The following ANKRD6 variants were observed in gnomAD, a reference collection of about 807,000 sequenced individuals.
ANKRD6 encodes the protein ankyrin repeat domain-containing protein 6.
A neutral mutation model predicts 82.3 loss-of-function variants in ANKRD6; 56 were observed. The ratio of observed to expected loss-of-function variants is 0.68; its 90% CI spans 0.55 to 0.85. The LOEUF (loss-of-function observed/expected upper bound fraction) is 0.85, where lower values mean the gene tolerates loss of function less well. Ranked by LOEUF, ANKRD6 falls within the 40% of genes least tolerant of loss-of-function variation. The pLI, the probability that ANKRD6 is intolerant of heterozygous loss-of-function variation, is 0.00. For synonymous variants in ANKRD6, 347 were observed against 352.1 expected (o/e 0.99, Z 0.16); for missense variants, 852 against 907.6 (o/e 0.94, Z 0.79).
At chr6:89,466,215 G>A (rs1405105579) in intron 1 of ANKRD6, among the ~76,000 whole-genome samples, 3 of 152,152 alleles carry the variant, frequency 2.0e-5, no homozygotes, top group Non-Finnish European at 4.4e-5. Context: ...ATATAGTTAT[G>A]TATTTATTAA....
intron 13 of ANKRD6, among the ~76,000 whole-genome samples, chr6:89,625,709 G>A (rs1457982794): frequency 2.0e-5 from 3 of 150,496 alleles, no homozygotes; most frequent in South Asian, 4.3e-4. Context: ...AGATTTTCTC[G>A]GTTTTCGTAA....
chr6:89,564,815 G>C (rs528529072), intron 1 of ANKRD6, among the ~76,000 whole-genome samples: 34 of 152,186 alleles, frequency 2.2e-4, no homozygotes, highest in Non-Finnish European at 4.9e-4. Context: ...AGAATGGAAG[G>C]GGGCCGTTGG....
intron 1 of ANKRD6, among the ~76,000 whole-genome samples, chr6:89,474,309 T>G (rs2127794073): frequency 6.6e-6 from 1 of 152,312 alleles, no homozygotes; most frequent in South Asian, 2.1e-4. Flanking sequence ...TTATCTTTTT[T>G]CCCACATCTC....
At chr6:89,562,741 A>C (rs888419855) in intron 1 of ANKRD6, 1 of 152,220 alleles carries the variant, frequency 6.6e-6, no homozygotes, top group African/African-American at 2.4e-5. Context: ...TCAGCAGAGG[A>C]GGCTAACGGG....
chr6:89,532,685 A>G (rs1783317453), intron 1 of ANKRD6, among the ~76,000 whole-genome samples: 1 of 152,088 alleles, frequency 6.6e-6, no homozygotes. Flanking sequence ...GAAAGCTTAC[A>G]AGATAGTAAA....
At chr6:89,540,521 T>C (rs867936130) in intron 1 of ANKRD6, among the ~76,000 whole-genome samples, 1 of 152,344 alleles carries the variant, frequency 6.6e-6, no homozygotes, top group South Asian at 2.1e-4. Context: ...ATATTCTTGT[T>C]ATTAATCCCT....
intron 2 of ANKRD6, among the ~76,000 whole-genome samples, chr6:89,595,455 C>G (rs1445827614): frequency 1.2e-4 from 19 of 152,068 alleles, no homozygotes; most frequent in Admixed American, 1.2e-3. Flanking sequence ...AGAACCTTTC[C>G]TAATCAGTTC....
chr6:89,603,764 T>C (rs566197162), intron 4 of ANKRD6, among the ~76,000 whole-genome samples: 2 of 152,276 alleles, frequency 1.3e-5, no homozygotes, highest in South Asian at 2.1e-4. Flanking sequence ...GGTGGGAGGA[T>C]TGCTCGAGGC....
At chr6:89,476,136 C>T (rs1776001293) in intron 1 of ANKRD6, among the ~76,000 whole-genome samples, 1 of 151,794 alleles carries the variant, frequency 6.6e-6, no homozygotes, top group Non-Finnish European at 1.5e-5. Context: ...ATATATTTTA[C>T]CAGTTATAAT....
chr6:89,610,347 AGTATGCGGCCTTCT>A (rs1206298789), intron 5 of ANKRD6, among the ~76,000 whole-genome samples: 1 of 152,164 alleles, frequency 6.6e-6, no homozygotes, highest in African/African-American at 2.4e-5. Context: ...GGAATCATAC[AGTATGCGGCCTTCT>A]GTGTGTGGCT....
intron 1 of ANKRD6, among the ~76,000 whole-genome samples, chr6:89,462,231 C>CAAAATAATAAAAATA (rs1554214168): frequency 7.2e-5 from 4 of 55,916 alleles, no homozygotes; most frequent in East Asian, 4.4e-4. Context: ...GACTCCATCT[C>CAAAATAATAAAAATA]AAAATAATAA....
At chr6:89,586,688 G>GA (rs1793755875) in intron 2 of ANKRD6, among the ~76,000 whole-genome samples, 1 of 151,568 alleles carries the variant, frequency 6.6e-6, no homozygotes, top group Admixed American at 6.6e-5. Context: ...CTGTCTTGGG[G>GA]GAGAAAAAAA....
rs542517669 is a variant in ANKRD6, at chr6:89,602,741, G to A, written c.220-288G>A. 570 of 400,344 alleles carry A rather than the reference G, an allele frequency of 1.4e-3. 2 individuals are homozygous for A. Among genetic ancestry groups the A allele is most frequent in the African/African-American group, 0.011 (541 of 50,244 alleles). 24.8% of individuals were successfully genotyped at this position (400,344 alleles called of 1,614,324 possible). ...TAGTCATAGCCCCTGGATGGCAGGA[G>A]AGAGCCTGACCCTCATTTTGAGGTT... is the stretch of plus-strand genomic sequence containing the variant. On this transcript the variant is annotated intron_variant, in intron 3 of 15. Transcript: ENST00000339746.
In ANKRD6 at chr6:89,630,971, C is replaced by T; in HGVS notation, c.2151C>T (p.Ala717=). 1.3e-6 allele frequency: 2 copies of T among 1,578,602 alleles called. No individual in the cohort carries two copies. The highest frequency in any genetic ancestry group is 1.7e-6 in the Non-Finnish European group (2 of 1,163,228). Residue 717 remains alanine, a synonymous_variant, in exon 16 of 16, where the codon GCC becomes GCT. Coordinates refer to ENST00000339746, the MANE Select transcript of ANKRD6 (RefSeq NM_001242809.2). Reference sequence around the variant, plus strand: ...TTAAAAGTTTAGAAGAGGAACTTGCCAAACTAAGGACTAGGGTGCAGAAGG... The same window carrying T: ...TTAAAAGTTTAGAAGAGGAACTTGCTAAACTAAGGACTAGGGTGCAGAAGG... ...EHIKSLEEEL[A]KLRTRVQKEN is the part of the protein sequence containing the mutation.
At chr6:89,616,751 G>T in intron 8 of ANKRD6, 94 bp downstream of exon 8, 2 of 1,249,738 alleles carry the variant, frequency 1.6e-6, no homozygotes, top group Non-Finnish European at 2.3e-6. Context: ...CAGGCCCAGC[G>T]CACTCTGGAA....
Position 89,433,799 on chromosome 6 carries a change from C to T in ANKRD6, c.-144+424C>T, listed in dbSNP as rs1189300723. ...CGGCCGCCTCCGAATGACCCCGTCC[C>T]TCCCCGCCCTGGACGACAGCACTAG... is the stretch of plus-strand genomic sequence containing the variant. On this transcript the variant is annotated intron_variant, in intron 1 of 15. Coordinates refer to ENST00000339746, the MANE Select transcript of ANKRD6 (RefSeq NM_001242809.2). The surrounding 1 kb of genome is among the most constrained non-coding windows in gnomAD (Gnocchi z 4.3). 6.6e-6 allele frequency among the ~76,000 whole-genome samples: 1 copy of T among 152,252 alleles called. No homozygotes were observed. The highest frequency in any genetic ancestry group is 1.5e-5 in the Non-Finnish European group (1 of 68,032).
intron 9 of ANKRD6, 69 bp from the exon 10 acceptor site, chr6:89,621,853 C>T (rs1306727116): frequency 1.4e-6 from 2 of 1,480,616 alleles, no homozygotes; most frequent in Admixed American, 3.6e-5. Flanking sequence ...GCCCCAGGTC[C>T]AAGGAGAATT....
intron 1 of ANKRD6, among the ~76,000 whole-genome samples, chr6:89,469,332 T>A (rs150647240): frequency 1.3e-5 from 2 of 152,136 alleles, no homozygotes; most frequent in Non-Finnish European, 2.9e-5. Context: ...AGCTTTTTCA[T>A]TGGGCTTTTC....
intron 1 of ANKRD6, among the ~76,000 whole-genome samples, chr6:89,473,670 G>A (rs10485242): frequency 0.15 from 22,986 of 152,116 alleles, 2,038 homozygotes; most frequent in South Asian, 0.33. Flanking sequence ...AATGGTGAGA[G>A]TTTAGGCTTA....
Sources: gnomAD v4.1 joint callset for allele counts (sites outside exome capture counted in the v4.1 genomes callset) on GRCh38, gnomAD v4.1.1 for gene constraint, Gnocchi (gnomAD v3.1) non-coding constraint, MANE v1.5 for transcripts, NCBI Gene and HGNC (gene_info 2026-07-23, HGNC 2026-07-21) for gene names.